FRMD6: variants seen among roughly 807,000 people sequenced by gnomAD.
The protein encoded by FRMD6 is FERM domain containing 6.
A neutral mutation model predicts 73.2 loss-of-function variants in FRMD6; 37 were observed. The ratio of observed to expected loss-of-function variants is 0.51; its 90% CI spans 0.39 to 0.66. The LOEUF (loss-of-function observed/expected upper bound fraction) is 0.66, where lower values mean the gene tolerates loss of function less well. Among genes scored for constraint, FRMD6 ranks in the 30% least tolerant of loss-of-function variants. The pLI, the probability that FRMD6 is intolerant of heterozygous loss-of-function variation, is 0.00. For missense variants in FRMD6, 714 were observed against 780.5 expected (o/e 0.91, Z 1.02); for synonymous variants, 273 against 282.2 (o/e 0.97, Z 0.33).
At chr14:51,725,639 C>T (rs190970857) in intron 12 of FRMD6, 140 bp from the exon 13 acceptor site, 223 of 610,666 alleles carry the variant, frequency 3.7e-4, no homozygotes, top group Admixed American at 9.4e-4. Context: ...GGTTGTCTGC[C>T]ACCAAAGAGT....
intron 1 of FRMD6, among the ~76,000 whole-genome samples, chr14:51,557,111 C>T (rs1057043235): frequency 6.6e-6 from 1 of 151,540 alleles, no homozygotes; most frequent in African/African-American, 2.4e-5. Context: ...CATAGTGAGA[C>T]CCTGTCTGAA....
chr14:51,682,925 G>A (rs118143454), intron 1 of FRMD6, among the ~76,000 whole-genome samples: 1,939 of 152,188 alleles, frequency 0.013, 27 homozygotes, highest in Non-Finnish European at 0.019. Context: ...CCAGGGTGGG[G>A]ACAACACACT....
At chr14:51,643,967 T>C in intron 2 of FRMD6, among the ~76,000 whole-genome samples, 1 of 150,990 alleles carries the variant, frequency 6.6e-6, no homozygotes, top group Middle Eastern at 3.4e-3. Flanking sequence ...TAGTTTCACT[T>C]TAGTTGAATG....
At chr14:51,500,077 G>A (rs1225382082) in intron 1 of FRMD6, among the ~76,000 whole-genome samples, 1 of 152,148 alleles carries the variant, frequency 6.6e-6, no homozygotes, top group Non-Finnish European at 1.5e-5. Context: ...TGCATGCAGG[G>A]TGACAAAAAG....
intron 12 of FRMD6, among the ~76,000 whole-genome samples, chr14:51,724,364 C>T (rs544377982): frequency 6.6e-6 from 1 of 152,292 alleles, no homozygotes; most frequent in East Asian, 1.9e-4. Context: ...GGAGAATACT[C>T]TTTACAGGCA....
intron 2 of FRMD6, among the ~76,000 whole-genome samples, chr14:51,599,090 A>G (rs545482783): frequency 1.0e-5 from 1 of 99,196 alleles, no homozygotes; most frequent in South Asian, 2.9e-4. Flanking sequence ...TTTTTTAGTA[A>G]TAGCCATTCT....
intron 6 of FRMD6, among the ~76,000 whole-genome samples, chr14:51,705,439 A>C: frequency 6.7e-6 from 1 of 150,040 alleles, no homozygotes; most frequent in South Asian, 2.1e-4. Context: ...CGCTTTCTCC[A>C]CTCCACCCTG....
At chr14:51,460,313 G>C in the FRMD6 span, among the ~76,000 whole-genome samples, 1 of 152,208 alleles carries the variant, frequency 6.6e-6, no homozygotes, top group African/African-American at 2.4e-5. Flanking sequence ...AGAAAGAGGA[G>C]CTTCCCTGAG....
At chr14:51,711,096 G>A (rs1594770401) in intron 7 of FRMD6, among the ~76,000 whole-genome samples, 1 of 152,132 alleles carries the variant, frequency 6.6e-6, no homozygotes, top group South Asian at 2.1e-4. Context: ...AAAGTCTTAT[G>A]CATCTCAGAA....
chr14:51,418,589 G>A, the FRMD6 span, among the ~76,000 whole-genome samples: 129 of 152,280 alleles, frequency 8.5e-4, 2 homozygotes, highest in Middle Eastern at 0.027. Context: ...GGTGTCAGTC[G>A]GCCCCTACTG....
chr14:51,471,260 C>T, the FRMD6 span, among the ~76,000 whole-genome samples: 1 of 151,914 alleles, frequency 6.6e-6, no homozygotes. Flanking sequence ...GAGGTGGAGG[C>T]GGGTGGATCA....
intron 1 of FRMD6, among the ~76,000 whole-genome samples, chr14:51,561,945 G>A (rs917058971): frequency 3.3e-5 from 5 of 152,182 alleles, no homozygotes; most frequent in African/African-American, 1.2e-4. Flanking sequence ...CAATCCTGGT[G>A]TTAAACCATT....
At chr14:51,690,060 G>C (rs922817214) in intron 2 of FRMD6, 125 bp downstream of exon 2, 1 of 717,356 alleles carries the variant, frequency 1.4e-6, no homozygotes, top group African/African-American at 1.7e-5. Flanking sequence ...GGCAGAATTG[G>C]GTTGTCAAAT....
intron 1 of FRMD6, among the ~76,000 whole-genome samples, chr14:51,503,357 T>C (rs1396685205): frequency 1.3e-5 from 2 of 152,194 alleles, no homozygotes; most frequent in East Asian, 3.8e-4. Context: ...TCTTATTATT[T>C]TGAGGTATGT....
intron 2 of FRMD6, among the ~76,000 whole-genome samples, chr14:51,603,392 A>G (rs1594588293): frequency 1.3e-5 from 2 of 152,248 alleles, no homozygotes; most frequent in African/African-American, 2.4e-5. Flanking sequence ...AAAAAGCCAT[A>G]CCAACTTTCA....
chr14:51,527,462 C>A (rs1245800883), intron 1 of FRMD6, among the ~76,000 whole-genome samples: 1 of 152,112 alleles, frequency 6.6e-6, no homozygotes, highest in Non-Finnish European at 1.5e-5. Context: ...CAAGAGATAG[C>A]CTTATATAAA....
At chr14:51,517,375 G>T (rs1177952940) in intron 1 of FRMD6, among the ~76,000 whole-genome samples, 1 of 152,114 alleles carries the variant, frequency 6.6e-6, no homozygotes, top group Non-Finnish European at 1.5e-5. Context: ...TATTTATTCT[G>T]TGCAAAGAAT....
intron 1 of FRMD6, among the ~76,000 whole-genome samples, chr14:51,513,970 C>T (rs1359978493): frequency 6.6e-6 from 1 of 152,192 alleles, no homozygotes; most frequent in Non-Finnish European, 1.5e-5. Context: ...GCCTTGGTAA[C>T]GTTATTTGTG....
At chr14:51,581,546 A>T (rs993371540) in intron 2 of FRMD6, among the ~76,000 whole-genome samples, 1 of 152,250 alleles carries the variant, frequency 6.6e-6, no homozygotes, top group Non-Finnish European at 1.5e-5. Flanking sequence ...AATTCAAAAG[A>T]CTTAAAGCAA....
Sources: allele counts gnomAD v4.1 joint callset (sites outside exome capture counted in the v4.1 genomes callset), GRCh38; gene constraint gnomAD v4.1.1; transcripts MANE v1.5; gene names NCBI Gene and HGNC (gene_info 2026-07-23, HGNC 2026-07-21).